The following ADK variants were observed in gnomAD, a reference collection of about 807,000 sequenced individuals.
The protein encoded by ADK is adenosine kinase.
ADK carries 24 observed loss-of-function variants against 44.7 expected under a neutral mutation model. That is an observed-to-expected ratio of 0.54 (90% CI 0.39 to 0.76). ADK has a LOEUF of 0.76. Ranked by LOEUF, ADK falls within the 30% of genes least tolerant of loss-of-function variation. ADK has a pLI of 0.00. For missense variants in ADK, 321 were observed against 425.1 expected (o/e 0.76, Z 2.15); for synonymous variants, 128 against 142.6 (o/e 0.90, Z 0.73).
intron 6 of ADK, among the ~76,000 whole-genome samples, chr10:74,466,231 A>G (rs1385714700): frequency 6.6e-6 from 1 of 152,208 alleles, no homozygotes; most frequent in African/African-American, 2.4e-5. Flanking sequence ...GAAGAAATGC[A>G]TACAGCTGAG....
chr10:74,186,483 G>T (rs1413126991), intron 1 of ADK, among the ~76,000 whole-genome samples: 1 of 151,600 alleles, frequency 6.6e-6, no homozygotes, highest in Non-Finnish European at 1.5e-5. Flanking sequence ...CGGGGGAGTG[G>T]GGTGGGGGTG....
intron 4 of ADK, among the ~76,000 whole-genome samples, chr10:74,325,548 C>T (rs559337205): frequency 6.6e-6 from 1 of 152,166 alleles, no homozygotes; most frequent in African/African-American, 2.4e-5. Context: ...AGTATACATC[C>T]TTGTCTTGTT....
intron 6 of ADK, among the ~76,000 whole-genome samples, chr10:74,496,690 A>G (rs2133426314): frequency 6.6e-6 from 1 of 152,218 alleles, no homozygotes; most frequent in African/African-American, 2.4e-5. Flanking sequence ...GCTGGTCTCA[A>G]ACTCCTTGGC....
At chr10:74,528,693 T>C (rs1338881142) in intron 7 of ADK, among the ~76,000 whole-genome samples, 2 of 152,102 alleles carry the variant, frequency 1.3e-5, no homozygotes, top group Non-Finnish European at 2.9e-5. Flanking sequence ...AACAACATAA[T>C]TCAATAATGA....
At chr10:74,475,982 C>G (rs1846821767) in intron 6 of ADK, among the ~76,000 whole-genome samples, 2 of 152,144 alleles carry the variant, frequency 1.3e-5, no homozygotes, top group African/African-American at 4.8e-5. Flanking sequence ...TACATAGACA[C>G]ACATTGTATT....
intron 6 of ADK, chr10:74,509,483 G>T (rs1193825241): frequency 6.6e-6 from 1 of 152,250 alleles, no homozygotes; most frequent in Non-Finnish European, 1.5e-5. Context: ...AAGCCACCGT[G>T]CCCGGCCCAT....
intron 4 of ADK, among the ~76,000 whole-genome samples, chr10:74,356,851 G>T (rs1842163575): frequency 6.6e-6 from 1 of 152,162 alleles, no homozygotes; most frequent in Non-Finnish European, 1.5e-5. Context: ...AGTGCCAATT[G>T]TATAAGGAGA....
chr10:74,570,820 C>A (rs904158367), intron 7 of ADK, among the ~76,000 whole-genome samples: 3 of 152,110 alleles, frequency 2.0e-5, no homozygotes, highest in Non-Finnish European at 4.4e-5. Flanking sequence ...ACTTCCAACA[C>A]TATGTTGAAT....
At chr10:74,525,574 G>A in intron 7 of ADK, 148 bp downstream of exon 7, 2 of 658,926 alleles carry the variant, frequency 3.0e-6, no homozygotes, top group Non-Finnish European at 5.1e-6. Context: ...TTGCCTCAAT[G>A]TCAACTGCTC....
chr10:74,477,261 G>A (rs1339478297), intron 6 of ADK, among the ~76,000 whole-genome samples: 1 of 152,100 alleles, frequency 6.6e-6, no homozygotes, highest in Non-Finnish European at 1.5e-5. Context: ...CTGGAGTACA[G>A]TGGCATGATC....
chr10:74,265,573 A>T (rs893187260), intron 3 of ADK, among the ~76,000 whole-genome samples: 49 of 151,842 alleles, frequency 3.2e-4, no homozygotes, highest in Non-Finnish European at 2.4e-4. Context: ...TTCTGTGATG[A>T]TATTTGAGAA....
chr10:74,702,570 T>TCCTTCCTTCCTTCCTTCCTC (rs760455986), intron 10 of ADK, among the ~76,000 whole-genome samples: 2 of 146,260 alleles, frequency 1.4e-5, no homozygotes, highest in Non-Finnish European at 3.0e-5. Flanking sequence ...CTTCCTTCCT[T>TCCTTCCTTCCTTCCTTCCTC]CCTCTCTCTC....
chr10:74,293,023 C>G (rs1839675430), intron 3 of ADK, among the ~76,000 whole-genome samples: 1 of 151,660 alleles, frequency 6.6e-6, no homozygotes, highest in Non-Finnish European at 1.5e-5. Context: ...ACAAAACTAG[C>G]TGAGTGTGGT....
intron 9 of ADK, among the ~76,000 whole-genome samples, chr10:74,621,809 G>C (rs1412539443): frequency 6.6e-6 from 1 of 152,016 alleles, no homozygotes; most frequent in African/African-American, 2.4e-5. Flanking sequence ...AGTCCAATTA[G>C]ATCTAGGACT....
chr10:74,647,058 G>A (rs1019463684), intron 9 of ADK, among the ~76,000 whole-genome samples: 3 of 151,446 alleles, frequency 2.0e-5, no homozygotes, highest in Non-Finnish European at 2.9e-5. Context: ...AGTGAGCTCC[G>A]TTTGTACTCA....
intron 6 of ADK, chr10:74,423,667 G>C: frequency 2.3e-6 from 1 of 429,408 alleles, no homozygotes; most frequent in South Asian, 1.9e-5. Flanking sequence ...GGCCAGGTCT[G>C]CCTTGTTACC....
At chr10:74,250,217 A>G (rs1254231918) in intron 3 of ADK, among the ~76,000 whole-genome samples, 1 of 152,230 alleles carries the variant, frequency 6.6e-6, no homozygotes, top group Non-Finnish European at 1.5e-5. Context: ...ATTACAAATA[A>G]TATTCTGCAA....
At chr10:74,486,919 T>C (rs948907055) in intron 6 of ADK, among the ~76,000 whole-genome samples, 1 of 152,212 alleles carries the variant, frequency 6.6e-6, no homozygotes, top group Non-Finnish European at 1.5e-5. Flanking sequence ...CCCAGATCTA[T>C]GTGTACTATT....
intron 6 of ADK, among the ~76,000 whole-genome samples, chr10:74,430,283 A>G (rs1375827384): frequency 6.6e-6 from 1 of 152,242 alleles, no homozygotes; most frequent in Non-Finnish European, 1.5e-5. Flanking sequence ...CCATATCATA[A>G]CCATCATATT....
Sources: gnomAD v4.1 joint callset for allele counts (sites outside exome capture counted in the v4.1 genomes callset) on GRCh38, gnomAD v4.1.1 for gene constraint, MANE v1.5 for transcripts, NCBI Gene and HGNC (gene_info 2026-07-23, HGNC 2026-07-21) for gene names.